NFYC: variants seen among roughly 807,000 people sequenced by gnomAD.
The protein encoded by NFYC is nuclear transcription factor Y subunit gamma, also known as CAAT box DNA-binding protein subunit C.
In NFYC, 25 loss-of-function variants were observed where a neutral mutation model predicts 53.1. The ratio of observed to expected loss-of-function variants is 0.47; its 90% CI spans 0.34 to 0.66. The LOEUF (loss-of-function observed/expected upper bound fraction) is 0.66. Ranked by LOEUF, NFYC falls within the 30% of genes least tolerant of loss-of-function variation. The probability of loss-of-function intolerance (pLI) is 0.01; values close to 1 mark genes in which losing one functional copy is unlikely to be tolerated. For missense variants in NFYC, 260 were observed against 422.7 expected (o/e 0.62, Z 3.38); for synonymous variants, 145 against 152.6 (o/e 0.95, Z 0.37).
intron 1 of NFYC, among the ~76,000 whole-genome samples, chr1:40,710,045 G>A (rs1019437660): frequency 1.3e-5 from 2 of 152,196 alleles, no homozygotes; most frequent in African/African-American, 4.8e-5. Context: ...TTAGAAATTT[G>A]TGTGAAAATA....
At chr1:40,750,792 C>T (rs915034489) in intron 4 of NFYC, among the ~76,000 whole-genome samples, 1 of 152,016 alleles carries the variant, frequency 6.6e-6, no homozygotes, top group Non-Finnish European at 1.5e-5. Flanking sequence ...CCCAATAAAC[C>T]CATGAGAAGA....
Position 40,704,756 on chromosome 1 carries a change from A to G in NFYC, c.-9+12889A>G, listed in dbSNP as rs566853197. On this transcript the variant is annotated intron_variant, in intron 1 of 9. Transcript: ENST00000447388. ...GAGTCGGAGGGCCAGCTTTTGGAAC[A>G]GTGATCAGACATTTGGTGGGATTAG... Among the ~76,000 whole-genome samples, 13 of 152,348 alleles carry G rather than the reference A, an allele frequency of 8.5e-5. No homozygotes were observed. In the South Asian group the frequency reaches 2.7e-3, roughly 32 times the overall value.
intron 2 of NFYC, among the ~76,000 whole-genome samples, chr1:40,743,767 T>C (rs568530832): frequency 6.6e-6 from 1 of 152,322 alleles, no homozygotes; most frequent in South Asian, 2.1e-4. Context: ...TCTCAAACTT[T>C]ATTGTCTGTA....
intron 1 of NFYC, among the ~76,000 whole-genome samples, chr1:40,696,992 A>G (rs1643182441): frequency 6.6e-6 from 1 of 152,204 alleles, no homozygotes; most frequent in Non-Finnish European, 1.5e-5. Flanking sequence ...CTTTGGCCAA[A>G]AAGTGCCTAT....
intron 1 of NFYC, among the ~76,000 whole-genome samples, chr1:40,696,832 T>G (rs1429559611): frequency 1.3e-5 from 2 of 152,252 alleles, no homozygotes; most frequent in African/African-American, 4.8e-5. Flanking sequence ...TCTTACAGTC[T>G]TTCTTTTCAT....
chr1:40,770,659 A>G lies in NFYC; in HGVS notation c.889-50A>G, dbSNP rs199650560. On this transcript the variant is annotated intron_variant, in intron 9 of 9. Coordinates refer to ENST00000447388, the MANE Select transcript of NFYC (RefSeq NM_014223.5). The surrounding 1 kb of genome is among the most constrained non-coding windows in gnomAD (Gnocchi z 5.3). ...CAGCTCGAGACCCATAGGGAGCTGC[A>G]TGCCCCTCTCCCAGGGATGACCTCA... 1.2e-6 allele frequency: 2 copies of G among 1,614,016 alleles called. No individual in the cohort carries two copies. The highest frequency in any genetic ancestry group is 1.7e-5 in the Admixed American group (1 of 60,030).
At chr1:40,718,715 T>C (rs1165102910) in intron 1 of NFYC, among the ~76,000 whole-genome samples, 1 of 152,238 alleles carries the variant, frequency 6.6e-6, no homozygotes, top group Non-Finnish European at 1.5e-5. Flanking sequence ...CAAATAGATA[T>C]GTGGTTAGAA....
At chr1:40,720,420 G>T (rs1644287415) in intron 1 of NFYC, among the ~76,000 whole-genome samples, 1 of 152,180 alleles carries the variant, frequency 6.6e-6, no homozygotes. Flanking sequence ...ATTTTCCAAA[G>T]TAGAACAAGT....
intron 2 of NFYC, among the ~76,000 whole-genome samples, chr1:40,747,056 CTG>C (rs1267074693): frequency 6.6e-6 from 1 of 152,170 alleles, no homozygotes; most frequent in Non-Finnish European, 1.5e-5. Context: ...TTGTAAAGAA[CTG>C]TGGATCACTG....
At chr1:40,718,331 C>T (rs1054760183) in intron 1 of NFYC, among the ~76,000 whole-genome samples, 3 of 152,182 alleles carry the variant, frequency 2.0e-5, no homozygotes, top group African/African-American at 7.2e-5. Context: ...GTGACAAAGG[C>T]TTTTGCTCTT....
At chr1:40,718,273 G>A (rs911230741) in intron 1 of NFYC, among the ~76,000 whole-genome samples, 1 of 152,180 alleles carries the variant, frequency 6.6e-6, no homozygotes, top group Non-Finnish European at 1.5e-5. Context: ...TAGGACAGAC[G>A]ATTATCATCC....
Position 40,718,304 on chromosome 1 carries a change from A to G in NFYC, c.-8-20532A>G, listed in dbSNP as rs139925286. On this transcript the variant is annotated intron_variant, in intron 1 of 9. Transcript: ENST00000447388. ...CATCCCCCATTTTGAGGGTGAGAAA[A>G]TAGAAGGCAGAGCCTAGTGACAAAG... Among the ~76,000 whole-genome samples, 89 of 152,348 alleles carry G rather than the reference A, an allele frequency of 5.8e-4. 2 individuals are homozygous for G. In the East Asian group the frequency reaches 0.011, roughly 18 times the overall value.
rs775474488 is a variant in NFYC at position 40,770,523 on chromosome 1, C to T, written c.889-186C>T. Reference sequence around the variant, plus strand: ...GCCCACCACACACCCCCCCTCACACCGGGCTGGTGCCTCCTGTGTCTGCTG... The same window carrying T: ...GCCCACCACACACCCCCCCTCACACTGGGCTGGTGCCTCCTGTGTCTGCTG... On this transcript the variant is annotated intron_variant, in intron 9 of 9. Transcript: ENST00000447388. The surrounding 1 kb of genome is among the most constrained non-coding windows in gnomAD (Gnocchi z 5.3). 2.1e-5 allele frequency: 32 copies of T among 1,560,142 alleles called. No homozygotes were observed. The highest frequency in any genetic ancestry group is 1.7e-4 in the Middle Eastern group (1 of 6,004).
Position 40,747,544 on chromosome 1 carries a change from G to A in NFYC, c.116G>A (p.Arg39Gln). Residue 39 changes from arginine (R) to glutamine (Q), a missense_variant, in exon 3 of 10, where the codon CGA (arginine) becomes CAA (glutamine). Coordinates refer to ENST00000447388, the MANE Select transcript of NFYC (RefSeq NM_014223.5). ...EIRNLTVKDF[R>Q]VQELPLARIK... ...TGTTGTTCATTTCAGAAAGACTTCC[G>A]AGTGCAGGAACTCCCACTGGCTCGT... 1.2e-6 allele frequency: 2 copies of A among 1,612,820 alleles called. No homozygotes were observed. The highest frequency in any genetic ancestry group is 1.7e-6 in the Non-Finnish European group (2 of 1,178,938).
At position 40,749,706 on chromosome 1, in the gene NFYC, T is replaced by G; in HGVS notation, c.291+20T>G. 9 of 1,594,264 alleles carry G rather than the reference T, an allele frequency of 5.6e-6. No individual in the cohort carries two copies. Among genetic ancestry groups the G allele is most frequent in the Non-Finnish European group, 7.7e-6 (9 of 1,161,880 alleles). ...CTACAGGTATTATTGCAGACTTAGA[T>G]TAGGAAAACTGGGGTAAGCAGCAGC... On this transcript the variant is annotated intron_variant, in intron 4 of 9. Transcript: ENST00000447388.
At chr1:40,728,408 C>G (rs889743442) in intron 1 of NFYC, among the ~76,000 whole-genome samples, 3 of 151,876 alleles carry the variant, frequency 2.0e-5, no homozygotes, top group African/African-American at 7.2e-5. Context: ...ACCAGTCTGG[C>G]CAACGTGGCG....
chr1:40,750,096 A>G (rs1263699569), intron 4 of NFYC, among the ~76,000 whole-genome samples: 1 of 152,102 alleles, frequency 6.6e-6, no homozygotes, highest in African/African-American at 2.4e-5. Context: ...CACTAGCTTC[A>G]TTAGGCTTTT....
chr1:40,751,832 C>T (rs1570640689), intron 4 of NFYC, among the ~76,000 whole-genome samples: 1 of 151,902 alleles, frequency 6.6e-6, no homozygotes, highest in East Asian at 1.9e-4. Flanking sequence ...GAGTAGATGA[C>T]ATCAAAAAAT....
chr1:40,751,998 AAAG>A (rs1645940559), intron 4 of NFYC, among the ~76,000 whole-genome samples: 1 of 152,144 alleles, frequency 6.6e-6, no homozygotes, highest in Non-Finnish European at 1.5e-5. Context: ...GATACAAGGG[AAAG>A]AAAAAAAAAA....
Sources: allele counts gnomAD v4.1 joint callset (sites outside exome capture counted in the v4.1 genomes callset), GRCh38; gene constraint gnomAD v4.1.1; non-coding constraint Gnocchi (gnomAD v3.1); transcripts MANE v1.5; gene names NCBI Gene and HGNC (gene_info 2026-07-23, HGNC 2026-07-21).